The following PLPP1 variants were observed in gnomAD, a reference collection of about 807,000 sequenced individuals.
PLPP1 encodes lipid phosphate phosphohydrolase 1a.
PLPP1 carries 24 observed loss-of-function variants against 31.2 expected under a neutral mutation model. The observed-to-expected ratio is 0.77, with a 90% CI of 0.56 to 1.08. The LOEUF is 1.08. PLPP1 is among the 50% of genes least tolerant of loss of function. The probability of loss-of-function intolerance (pLI) is 0.00; values close to 1 mark genes in which losing one functional copy is unlikely to be tolerated. For synonymous variants in PLPP1, 146 were observed against 126.3 expected (o/e 1.16, Z -1.05); for missense variants, 319 against 342.7 (o/e 0.93, Z 0.55).
At chr5:55,500,072 T>TA (rs1347571548) in intron 1 of PLPP1, among the ~76,000 whole-genome samples, 7 of 128,340 alleles carry the variant, frequency 5.5e-5, no homozygotes, top group East Asian at 2.2e-4. Flanking sequence ...TTGATTTCTC[T>TA]AAAAATTTTT....
At chr5:55,478,327 T>C (rs1752601170) in intron 1 of PLPP1, among the ~76,000 whole-genome samples, 2 of 152,196 alleles carry the variant, frequency 1.3e-5, no homozygotes, top group African/African-American at 4.8e-5. Flanking sequence ...GTAAACCCAC[T>C]GTGCAAGGAA....
chr5:55,471,106 G>C (rs565121337), intron 2 of PLPP1, among the ~76,000 whole-genome samples: 2 of 151,790 alleles, frequency 1.3e-5, no homozygotes, highest in Admixed American at 1.3e-4. Flanking sequence ...ACACATCTCC[G>C]CATCTTCTTC....
intron 4 of PLPP1, among the ~76,000 whole-genome samples, chr5:55,427,260 T>A (rs1261872623): frequency 1.3e-5 from 2 of 152,170 alleles, no homozygotes; most frequent in African/African-American, 4.8e-5. Flanking sequence ...TTAAAATAGA[T>A]GACACAAATC....
rs1752338577 is a variant in PLPP1 at position 55,467,892 on chromosome 5, A to C, written c.468T>G (p.Asn156Lys). The change falls in exon 3 of 6, where the codon AAT becomes AAG. Residue 156 changes from asparagine to lysine, a missense_variant. Transcript: ENST00000307259. ...GYIEYYICRG[N>K]AERVKEGRLS... ...ACCTGCCTTCCTTAACTCTTTCTGC[A>C]TTCCCTCGACATATGTAGTATTCAA... is the stretch of plus-strand genomic sequence containing the variant. 1 of 1,612,642 alleles carries C rather than the reference A, an allele frequency of 6.2e-7. No homozygotes were observed.
At chr5:55,432,189 C>T (rs1168482434) in intron 4 of PLPP1, among the ~76,000 whole-genome samples, 1 of 151,410 alleles carries the variant, frequency 6.6e-6, no homozygotes, top group Admixed American at 6.6e-5. Context: ...AAGGATCTCC[C>T]ACCTCGGCCT....
intron 1 of PLPP1, among the ~76,000 whole-genome samples, chr5:55,485,374 C>T (rs1420648412): frequency 2.6e-5 from 4 of 151,848 alleles, no homozygotes; most frequent in Non-Finnish European, 5.9e-5. Flanking sequence ...CAACCAATCA[C>T]TTCTAAAAAG....
chr5:55,522,854 G>A (rs1395975591), intron 1 of PLPP1, among the ~76,000 whole-genome samples: 2 of 152,124 alleles, frequency 1.3e-5, no homozygotes, highest in Non-Finnish European at 2.9e-5. Flanking sequence ...GAGTAGCTGG[G>A]ACTACAGGCG....
rs558935081 is a variant in PLPP1, at chr5:55,530,776, C to T, written c.58+3796G>A. The T allele has an allele frequency of 6.5e-4, 1,005 of 1,542,976 alleles. 2 individuals carry two copies. Among genetic ancestry groups the T allele is most frequent in the Middle Eastern group, 1.4e-3 (8 of 5,876 alleles). On this transcript the variant is annotated intron_variant, in intron 1 of 5. Coordinates refer to ENST00000307259, the MANE Select transcript of PLPP1 (RefSeq NM_003711.4). The stretch of plus-strand genomic sequence containing the variant: ...CATTGCAGTCAGGAAACATTTTCTA[C>T]AGAAAACGTGCTGACAGGGCGCGGT...
chr5:55,425,268 G>A lies in PLPP1; in HGVS notation c.793C>T (p.His265Tyr). The stretch of plus-strand genomic sequence containing the variant: ...GTTGGTGTTTCATGCAGAGTTGTAT[G>A]AGAGTCCTCCTCTTTTCTTTCTTTA... ...SFKERKEEDS[H>Y]TTLHETPTTG... The change falls in exon 6 of 6, where the codon CAT (histidine) becomes TAT (tyrosine). Residue 265 changes from histidine to tyrosine, a missense_variant. Transcript: ENST00000307259. 6.2e-7 allele frequency: 1 copy of A among 1,613,040 alleles called. No homozygotes were observed.
intron 1 of PLPP1, among the ~76,000 whole-genome samples, chr5:55,530,952 A>AGGTGAC (rs1372634153): frequency 6.6e-6 from 1 of 152,208 alleles, no homozygotes; most frequent in African/African-American, 2.4e-5. Flanking sequence ...GCAGCGGCCG[A>AGGTGAC]GGTGACGGTG....
chr5:55,473,666 C>G (rs563782553), intron 2 of PLPP1, among the ~76,000 whole-genome samples: 4 of 151,816 alleles, frequency 2.6e-5, no homozygotes, highest in Admixed American at 1.3e-4. Context: ...GTGTGTGTGT[C>G]TGTGTGTTTG....
chr5:55,501,445 T>C (rs1753143390), intron 1 of PLPP1, among the ~76,000 whole-genome samples: 1 of 150,880 alleles, frequency 6.6e-6, no homozygotes, highest in Non-Finnish European at 1.5e-5. Context: ...CGATTTTCCC[T>C]CTCTTGCAAC....
At position 55,534,584 on chromosome 5, in the gene PLPP1, A is replaced by C; in HGVS notation, c.46T>G (p.Cys16Gly). Residue 16 changes from cysteine to glycine, a missense_variant, in exon 1 of 6, where the codon TGC (cysteine) becomes GGC (glycine). Transcript: ENST00000307259. The part of the protein sequence containing the change: ...RLPYVALDVL[C>G]VLLAGLPFAI... ...GGCGCGTACGTACCCAGCAACACGC[A>C]GAGCACATCGAGGGCCACGTACGGC... 2 of 1,555,846 alleles carry C rather than the reference A, an allele frequency of 1.3e-6. No homozygotes were observed. Among genetic ancestry groups the C allele is most frequent in the Non-Finnish European group, 1.7e-6 (2 of 1,152,964 alleles).
intron 1 of PLPP1, among the ~76,000 whole-genome samples, chr5:55,477,061 G>C (rs1240228533): frequency 1.3e-5 from 2 of 149,544 alleles, no homozygotes; most frequent in Non-Finnish European, 3.0e-5. Flanking sequence ...TAATAAACTA[G>C]AGCTGACTTT....
chr5:55,428,850 T>C (rs1040177303), intron 4 of PLPP1, among the ~76,000 whole-genome samples: 3 of 152,194 alleles, frequency 2.0e-5, no homozygotes, highest in Admixed American at 6.5e-5. Flanking sequence ...TAGTTACTTC[T>C]CTTTTAAGAG....
rs35404645 is a variant in PLPP1 at position 55,442,651 on chromosome 5, CA to C, written c.492-744del. ...TGGGTGACAGAGGGAGACGCCATCT[CA>C]AAAAAAAAAAAATTTGGTGTTTTAA... On this transcript the variant is annotated intron_variant, in intron 3 of 5. Coordinates refer to ENST00000307259, the MANE Select transcript of PLPP1 (RefSeq NM_003711.4). Among the ~76,000 whole-genome samples the C allele has an allele frequency of 1.2e-4, 18 of 145,224 alleles. No homozygotes were observed. In the East Asian group the frequency reaches 2.6e-3, roughly 21 times the overall value.
At chr5:55,485,489 A>G (rs1752757478) in intron 1 of PLPP1, among the ~76,000 whole-genome samples, 4 of 152,010 alleles carry the variant, frequency 2.6e-5, no homozygotes. Flanking sequence ...TTCTTTTGGC[A>G]CTTTCTTAGA....
In PLPP1 at chr5:55,472,930, T is replaced by TC. The variant is rs1252908963; in HGVS notation, c.210+2368dup. On this transcript the variant is annotated intron_variant, in intron 2 of 5. Coordinates refer to ENST00000307259, the MANE Select transcript of PLPP1 (RefSeq NM_003711.4). Reference sequence around the variant, plus strand: ...TCAGTGTCCTGCTCTACTGCAGCCCTCCAGGCTAGAGCAAATTCCTGTAGT... The same window carrying TC: ...TCAGTGTCCTGCTCTACTGCAGCCCTCCCAGGCTAGAGCAAATTCCTGTAGT... 5.3e-5 allele frequency among the ~76,000 whole-genome samples: 8 copies of TC among 152,320 alleles called. No homozygotes were observed. In the East Asian group the frequency reaches 1.5e-3, roughly 29 times the overall value.
At chr5:55,489,790 A>T (rs1017232855) in intron 1 of PLPP1, among the ~76,000 whole-genome samples, 1 of 152,216 alleles carries the variant, frequency 6.6e-6, no homozygotes, top group Non-Finnish European at 1.5e-5. Flanking sequence ...GTTTACTGAG[A>T]CACTAAAGTT....
Sources: gnomAD v4.1 joint callset for allele counts (sites outside exome capture counted in the v4.1 genomes callset) on GRCh38, gnomAD v4.1.1 for gene constraint, MANE v1.5 for transcripts, NCBI Gene and HGNC (gene_info 2026-07-23, HGNC 2026-07-21) for gene names.